Variants in PTPRT observed in about 807,000 individuals in gnomAD.
PTPRT encodes protein tyrosine phosphatase receptor type T.
Under a neutral mutation model 176.8 loss-of-function variants are expected in PTPRT, and 56 were observed. The ratio of observed to expected loss-of-function variants is 0.32; its 90% confidence interval spans 0.26 to 0.40. PTPRT has a LOEUF of 0.40. Among genes scored for constraint, PTPRT ranks in the 10% least tolerant of loss-of-function variants. The pLI is 1.00. For synonymous variants in PTPRT, 783 were observed against 739.0 expected, an observed-to-expected ratio of 1.06 and a Z score of -0.96; for missense variants, 1,540 against 1,908.2, an observed-to-expected ratio of 0.81 and a Z score of 3.60.
intron 1 of PTPRT, among the ~76,000 whole-genome samples, chr20:43,118,975 T>A (rs960684907): frequency 3.3e-5 from 5 of 152,208 alleles, no homozygotes; most frequent in African/African-American, 1.2e-4. Context: ...AGTGATGAAT[T>A]CAAATTTATG....
intron 7 of PTPRT, among the ~76,000 whole-genome samples, chr20:42,602,812 T>G (rs979854891): frequency 2.6e-5 from 4 of 152,110 alleles, no homozygotes; most frequent in African/African-American, 9.7e-5. Context: ...CACCCCTGGC[T>G]GTGCCAAATT....
At chr20:43,182,357 AC>A (rs2015278374) in intron 1 of PTPRT, among the ~76,000 whole-genome samples, 1 of 151,944 alleles carries the variant, frequency 6.6e-6, no homozygotes. Context: ...AAGCTCCACG[AC>A]GCTAAGAAAG....
At chr20:42,502,400 A>G (rs13042646) in intron 7 of PTPRT, among the ~76,000 whole-genome samples, 2 of 129,956 alleles carry the variant, frequency 1.5e-5, no homozygotes, top group Non-Finnish European at 3.2e-5. Flanking sequence ...TTACATATGT[A>G]TACAAACACA....
intron 1 of PTPRT, among the ~76,000 whole-genome samples, chr20:43,109,216 A>C (rs2012754915): frequency 6.6e-6 from 1 of 152,190 alleles, no homozygotes; most frequent in Non-Finnish European, 1.5e-5. Flanking sequence ...TGGGAAAGGG[A>C]CCAGACTTCA....
At chr20:42,989,783 C>G (rs1360378224) in intron 1 of PTPRT, among the ~76,000 whole-genome samples, 1 of 152,154 alleles carries the variant, frequency 6.6e-6, no homozygotes, top group African/African-American at 2.4e-5. Context: ...ATGATTTCAA[C>G]TGGGAAAATT....
chr20:42,963,342 A>C (rs1013976511), intron 1 of PTPRT, among the ~76,000 whole-genome samples: 9 of 151,832 alleles, frequency 5.9e-5, no homozygotes, highest in Non-Finnish European at 1.5e-5. Context: ...GCACCACTGC[A>C]CTCCAGCCTG....
At position 42,109,061 on chromosome 20, in the gene PTPRT, T is replaced by C. The variant is rs186596305; in HGVS notation, c.3254+1272A>G. ...GATATAAAGCAAAGCAGAAAATACATGCAAAACATTTAGAGAGTCCAGGAT... is the reference window on the plus strand; with the variant it reads ...GATATAAAGCAAAGCAGAAAATACACGCAAAACATTTAGAGAGTCCAGGAT... On this transcript the variant is annotated intron_variant, in intron 23 of 30. Coordinates refer to ENST00000373187, the MANE Select transcript of PTPRT (RefSeq NM_007050.6). Among the ~76,000 whole-genome samples, 9 of 152,312 alleles carry C rather than the reference T, an allele frequency of 5.9e-5. No homozygotes were observed. In the East Asian group the frequency reaches 1.7e-3, roughly 29 times the overall value.
At chr20:42,531,173 C>A (rs1437400689) in intron 7 of PTPRT, among the ~76,000 whole-genome samples, 4 of 152,266 alleles carry the variant, frequency 2.6e-5, no homozygotes, top group Non-Finnish European at 1.5e-5. Context: ...TGGTTTTCTT[C>A]AGGGGTACTC....
intron 1 of PTPRT, among the ~76,000 whole-genome samples, chr20:43,004,170 T>TAAAAAAAAAAAAAAAAAA (rs10618644): frequency 7.9e-6 from 1 of 127,292 alleles, no homozygotes; most frequent in Non-Finnish European, 1.7e-5. Context: ...AACCAAGATG[T>TAAAAAAAAAAAAAAAAAA]AAAAAAAAAA....
At chr20:43,090,515 G>C (rs955189074) in intron 1 of PTPRT, among the ~76,000 whole-genome samples, 1 of 152,128 alleles carries the variant, frequency 6.6e-6, no homozygotes. Context: ...TGATCCACCC[G>C]CCTTGGCCTC....
At chr20:42,089,102 G>A (rs544297853) in intron 27 of PTPRT, among the ~76,000 whole-genome samples, 4 of 149,848 alleles carry the variant, frequency 2.7e-5, no homozygotes, top group Non-Finnish European at 1.5e-5. Context: ...GGAGCTCTGA[G>A]TGTGTGTGAG....
intron 1 of PTPRT, among the ~76,000 whole-genome samples, chr20:43,028,221 A>T (rs1255288332): frequency 6.6e-6 from 1 of 152,144 alleles, no homozygotes; most frequent in African/African-American, 2.4e-5. Flanking sequence ...CTGCTCTCCA[A>T]CATATGGAGA....
At chr20:42,334,840 C>A (rs914763917) in intron 11 of PTPRT, among the ~76,000 whole-genome samples, 4 of 152,172 alleles carry the variant, frequency 2.6e-5, no homozygotes, top group African/African-American at 7.2e-5. Context: ...TATTTGAGAA[C>A]TGCAATAGAC....
intron 1 of PTPRT, among the ~76,000 whole-genome samples, chr20:42,984,961 T>G (rs1051620375): frequency 1.3e-5 from 2 of 152,082 alleles, no homozygotes; most frequent in African/African-American, 4.8e-5. Context: ...AAAGGGTGAA[T>G]GTACTGGTAG....
chr20:42,281,858 C>T (rs1434545858), intron 13 of PTPRT, among the ~76,000 whole-genome samples: 1 of 152,066 alleles, frequency 6.6e-6, no homozygotes, highest in Non-Finnish European at 1.5e-5. Context: ...GATAGCAAAC[C>T]ATTCATTGAT....
At chr20:42,486,514 T>C (rs1271899876) in intron 7 of PTPRT, among the ~76,000 whole-genome samples, 6 of 152,222 alleles carry the variant, frequency 3.9e-5, no homozygotes, top group Admixed American at 3.9e-4. Flanking sequence ...GCCCCAGATT[T>C]ATATTTATAC....
intron 1 of PTPRT, among the ~76,000 whole-genome samples, chr20:43,165,053 G>C (rs1027436126): frequency 6.6e-6 from 1 of 151,956 alleles, no homozygotes; most frequent in Non-Finnish European, 1.5e-5. Context: ...CCCAGTGGGA[G>C]GTAACTGAGT....
intron 9 of PTPRT, 141 bp downstream of exon 9, chr20:42,448,079 C>G: frequency 1.4e-6 from 1 of 703,942 alleles, no homozygotes; most frequent in Non-Finnish European, 2.5e-6. Context: ...TGTTTGCACC[C>G]CATTGTACTG....
At chr20:42,918,598 C>T (rs206680) in intron 1 of PTPRT, among the ~76,000 whole-genome samples, 13,568 of 152,152 alleles carry the variant, frequency 0.089, 1,783 homozygotes, top group African/African-American at 0.29. Context: ...ATTGCAACCA[C>T]CCCCCTTTTC....
Sources: allele counts gnomAD v4.1 joint callset (sites outside exome capture counted in the v4.1 genomes callset), GRCh38; gene constraint gnomAD v4.1.1; transcripts MANE v1.5; gene names NCBI Gene and HGNC (gene_info 2026-07-23, HGNC 2026-07-21).